The following ZMYND8 variants were observed in gnomAD, a reference collection of about 807,000 sequenced individuals.
The protein encoded by ZMYND8 is MYND-type zinc finger-containing chromatin reader ZMYND8.
ZMYND8 carries 37 observed loss-of-function variants against 140.8 expected under a neutral mutation model. The ratio of observed to expected loss-of-function variants is 0.26; its 90% confidence interval spans 0.20 to 0.35. The LOEUF (loss-of-function observed/expected upper bound fraction) is 0.35. ZMYND8 is among the 10% of genes least tolerant of loss of function. The probability of loss-of-function intolerance (pLI) is 1.00; values close to 1 mark genes in which losing one functional copy is unlikely to be tolerated. For synonymous variants in ZMYND8, 592 were observed against 597.1 expected (o/e 0.99, Z 0.12); for missense variants, 1,068 against 1,570.0 (o/e 0.68, Z 5.40).
At chr20:47,277,960 C>T (rs2076360579) in intron 10 of ZMYND8, among the ~76,000 whole-genome samples, 1 of 151,762 alleles carries the variant, frequency 6.6e-6, no homozygotes, top group Admixed American at 6.6e-5. Flanking sequence ...TGTTAGCCAC[C>T]GTGCCCAGTC....
chr20:47,213,242 C>A (rs558241968), intron 21 of ZMYND8, among the ~76,000 whole-genome samples: 2 of 152,170 alleles, frequency 1.3e-5, no homozygotes, highest in African/African-American at 4.8e-5. Context: ...AAGCTAAATT[C>A]TCAGCTACGA....
chr20:47,344,806 C>T lies in ZMYND8; in HGVS notation c.85+3050G>A, dbSNP rs13040520. 4.0e-3 allele frequency among the ~76,000 whole-genome samples: 614 copies of T among 152,240 alleles called. 3 individuals are homozygous for T. Among genetic ancestry groups the T allele is most frequent in the Non-Finnish European group, 4.9e-3 (335 of 68,010 alleles). On this transcript the variant is annotated intron_variant, in intron 2 of 22. Transcript: ENST00000471951. ...TAATACTACTGTTAAATTAAAAGTT[C>T]ATTTTAAAAATGTAATAGAAAATTG...
At chr20:47,293,110 A>AGAAGGAAGGAAG (rs1326632608) in intron 5 of ZMYND8, among the ~76,000 whole-genome samples, 3 of 55,334 alleles carry the variant, frequency 5.4e-5, no homozygotes, top group Admixed American at 2.2e-4. Context: ...GGACGAGGAA[A>AGAAGGAAGGAAG]GAAGGAAGGA....
intron 11 of ZMYND8, among the ~76,000 whole-genome samples, chr20:47,268,097 G>C (rs1165358076): frequency 6.6e-6 from 1 of 152,124 alleles, no homozygotes; most frequent in Non-Finnish European, 1.5e-5. Context: ...AATGAGCAGT[G>C]CATAAAATAA....
intron 4 of ZMYND8, among the ~76,000 whole-genome samples, chr20:47,295,379 C>G (rs991800904): frequency 6.6e-6 from 1 of 152,084 alleles, no homozygotes; most frequent in African/African-American, 2.4e-5. Context: ...GGTGACAGAG[C>G]GAGACCCTGT....
rs1430593881 is a variant in ZMYND8, at chr20:47,249,371, G to T, written c.1690C>A (p.Pro564Thr). 7 of 1,614,046 alleles carry T rather than the reference G, an allele frequency of 4.3e-6. No homozygotes were observed. The highest frequency in any genetic ancestry group is 5.9e-6 in the Non-Finnish European group (7 of 1,180,034). ...ESVQQQSTPV[P>T]LISPKRQIRS... ...ATCTGGCGCTTGGGAGAGATGAGAG[G>T]AACAGGGGTGGACTGTTGCTGGACC... is the stretch of plus-strand genomic sequence containing the variant. The change falls in exon 13 of 23, where the codon CCT becomes ACT. Residue 564 changes from proline to threonine, a missense_variant. Around this residue, in one of 10 missense-constraint regions of ZMYND8, gnomAD observed 173 missense variants for 223.3 expected, o/e 0.77. Coordinates refer to ENST00000471951, the MANE Select transcript of ZMYND8 (RefSeq NM_001281775.3).
chr20:47,226,055 G>A (rs2037667605), intron 18 of ZMYND8, among the ~76,000 whole-genome samples: 1 of 151,620 alleles, frequency 6.6e-6, no homozygotes, highest in African/African-American at 2.4e-5. Flanking sequence ...GGAGGCTGAG[G>A]CATGAAAATC....
At chr20:47,230,296 G>GT (rs532411881) in intron 16 of ZMYND8, among the ~76,000 whole-genome samples, 3,023 of 142,498 alleles carry the variant, frequency 0.021, 93 homozygotes, top group African/African-American at 0.068. Context: ...TTTTTTTGTT[G>GT]TTTTTTTTTT....
At position 47,347,860 on chromosome 20, in the gene ZMYND8, G is replaced by C. The variant is rs769860088; in HGVS notation, c.81C>G (p.Ser27=). The change falls in exon 2 of 23, where the codon TCC becomes TCG. Residue 27 remains serine (S), a synonymous_variant. Transcript: ENST00000471951. ...TAATACAAGATTTTTACTCACCTTT[G>C]GAGCGAGTAGAGATATCCATGCCCT... ...VVEGMDISTR[S]KDPGSAERTA... The C allele has an allele frequency of 6.2e-7, 1 of 1,613,678 alleles. No homozygotes were observed. Among genetic ancestry groups the C allele is most frequent in the Non-Finnish European group, 8.5e-7 (1 of 1,179,898 alleles).
At chr20:47,310,726 C>T (rs1271225076) in intron 2 of ZMYND8, among the ~76,000 whole-genome samples, 1 of 144,284 alleles carries the variant, frequency 6.9e-6, no homozygotes, top group Non-Finnish European at 1.5e-5. Context: ...GCGGAGATTT[C>T]AGTGAGCCGA....
chr20:47,352,580 C>T (rs975241461), intron 1 of ZMYND8: 3 of 977,234 alleles, frequency 3.1e-6, no homozygotes, highest in East Asian at 2.3e-4. Flanking sequence ...GAGTGGATAA[C>T]GTCATTTACT....
At chr20:47,271,890 C>T (rs553473897) in intron 11 of ZMYND8, among the ~76,000 whole-genome samples, 20 of 152,018 alleles carry the variant, frequency 1.3e-4, no homozygotes, top group Admixed American at 2.6e-4. Context: ...GCCATGTTGG[C>T]CAGGCTGGTC....
At chr20:47,214,239 A>G (rs1270463521) in intron 21 of ZMYND8, among the ~76,000 whole-genome samples, 1 of 152,238 alleles carries the variant, frequency 6.6e-6, no homozygotes, top group African/African-American at 2.4e-5. Context: ...AAACTGAGGA[A>G]GTCTTTTTGC....
At chr20:47,334,176 C>T (rs1302492290) in intron 2 of ZMYND8, among the ~76,000 whole-genome samples, 2 of 152,090 alleles carry the variant, frequency 1.3e-5, no homozygotes, top group Non-Finnish European at 2.9e-5. Context: ...TTTGTTTACC[C>T]TCGTGATCAT....
chr20:47,310,306 T>G, intron 2 of ZMYND8, 102 bp from the exon 3 acceptor site: 1 of 1,415,238 alleles, frequency 7.1e-7, no homozygotes, highest in Non-Finnish European at 9.5e-7. Flanking sequence ...GAGTGCATTC[T>G]GTCCCCCAAC....
At chr20:47,351,927 T>C (rs1602196107) in intron 1 of ZMYND8, 3 of 985,232 alleles carry the variant, frequency 3.0e-6, no homozygotes, top group Admixed American at 6.2e-5. Context: ...ACCCAACGTT[T>C]AGAAGCTTAA....
At chr20:47,292,667 G>A (rs1232186983) in intron 5 of ZMYND8, among the ~76,000 whole-genome samples, 2 of 151,804 alleles carry the variant, frequency 1.3e-5, no homozygotes, top group African/African-American at 4.8e-5. Context: ...TTTCTGTACA[G>A]TACTCTCAGG....
intron 11 of ZMYND8, among the ~76,000 whole-genome samples, chr20:47,268,287 TCTC>T (rs1176781081): frequency 1.7e-5 from 2 of 120,680 alleles, no homozygotes; most frequent in Non-Finnish European, 3.4e-5. Context: ...TGAAACCCCG[TCTC>T]TTTTTTTTTT....
intron 16 of ZMYND8, among the ~76,000 whole-genome samples, chr20:47,234,476 G>T (rs118093876): frequency 1.3e-3 from 197 of 152,366 alleles, no homozygotes; most frequent in Non-Finnish European, 1.8e-3. Flanking sequence ...ATGACCTTGA[G>T]AGTGGATCCT....
Sources: allele counts gnomAD v4.1 joint callset (sites outside exome capture counted in the v4.1 genomes callset), GRCh38; gene constraint gnomAD v4.1.1; regional missense constraint gnomAD v4.1.1; transcripts MANE v1.5; gene names NCBI Gene and HGNC (gene_info 2026-07-23, HGNC 2026-07-21).